RAB37: variants seen among roughly 807,000 people sequenced by gnomAD.
The protein encoded by RAB37 is ras-related protein Rab-37.
RAB37 carries 29 observed loss-of-function variants against 33.1 expected under a neutral mutation model. The observed-to-expected ratio is 0.88, with a 90% CI of 0.65 to 1.20. RAB37 has a LOEUF of 1.20. RAB37 is among the 50% of genes most tolerant of loss of function. The pLI is 0.00. For synonymous variants in RAB37, 128 were observed against 119.5 expected (o/e 1.07, Z -0.47); for missense variants, 299 against 301.1 (o/e 0.99, Z 0.05).
At chr17:74,726,737 T>C (rs1388220050) in intron 1 of RAB37, among the ~76,000 whole-genome samples, 1 of 152,202 alleles carries the variant, frequency 6.6e-6, no homozygotes, top group Non-Finnish European at 1.5e-5. Context: ...TTCCCTTCCA[T>C]GTCACTGCCA....
chr17:74,738,638 G>T lies in RAB37; in HGVS notation c.93+1273G>T, dbSNP rs1030262037. Among the ~76,000 whole-genome samples, 3 of 152,142 alleles carry T rather than the reference G, an allele frequency of 2.0e-5. No homozygotes were observed. The highest frequency in any genetic ancestry group is 4.4e-5 in the Non-Finnish European group (3 of 68,010). ...CCCTCCCTCCCTCCTTCCTGCTCCA[G>T]GGCTGGGACCCAGGAGCCAGGGAGG... On this transcript the variant is annotated intron_variant, in intron 1 of 8. Transcript: ENST00000392613. This position sits in a 1 kb window ranked among gnomAD's most constrained non-coding sequence, Gnocchi z 5.0.
At position 74,676,256 on chromosome 17, in the gene RAB37, G is replaced by A. The variant is rs1047007275; in HGVS notation, c.72+4598G>A. On this transcript the variant is annotated intron_variant, in intron 1 of 7. Coordinates refer to the RAB37 transcript ENST00000340415. The surrounding 1 kb of genome is among the most constrained non-coding windows in gnomAD (Gnocchi z 4.1). ...TACTTCCTAATTCCCTATCACCAGG[G>A]CTCTAAGGAACATCCACATACCAGA... 6.6e-6 allele frequency among the ~76,000 whole-genome samples: 1 copy of A among 152,084 alleles called. No homozygotes were observed. Among genetic ancestry groups the A allele is most frequent in the Non-Finnish European group, 1.5e-5 (1 of 68,018 alleles).
At chr17:74,696,487 G>A (rs2032489918) in intron 1 of RAB37, among the ~76,000 whole-genome samples, 1 of 152,148 alleles carries the variant, frequency 6.6e-6, no homozygotes, top group Non-Finnish European at 1.5e-5. Context: ...CAGCTGATCG[G>A]GTGGCCCTGC....
intron 1 of RAB37, among the ~76,000 whole-genome samples, chr17:74,708,936 A>G (rs549102001): frequency 6.6e-6 from 1 of 151,386 alleles, no homozygotes; most frequent in African/African-American, 2.4e-5. Flanking sequence ...AGGAAAATCA[A>G]TAAGGAGGCC....
At position 74,671,140 on chromosome 17, in the gene RAB37, C is replaced by G. The variant is rs2031694625; in HGVS notation, c.-447C>G. On this transcript the variant is annotated 5_prime_UTR_variant, in exon 1 of 8. Transcript: ENST00000340415. This position sits in a 1 kb window ranked among gnomAD's most constrained non-coding sequence, Gnocchi z 5.0. ...TGAGCTGCGTGGTGACGGAGATGCC[C>G]GTTCGCTCGGGATCAGGAACGGTGA... 3 of 176,666 alleles carry G rather than the reference C, an allele frequency of 1.7e-5. No homozygotes were observed. Among genetic ancestry groups the G allele is most frequent in the Non-Finnish European group, 3.7e-5 (3 of 81,934 alleles). The allele number at this position is 176,666 out of a possible 1,614,324, so 10.9% of individuals were successfully genotyped here. A position where few individuals can be genotyped will look rare whatever the true frequency, so the allele number is the denominator to read the frequency against.
At chr17:74,712,937 C>CT (rs2034076904) in intron 1 of RAB37, 1 of 1,479,840 alleles carries the variant, frequency 6.8e-7, no homozygotes, top group South Asian at 1.2e-5. Context: ...GACTCCCAGC[C>CT]TTCTGCTGGT....
rs1259652260 is a variant in RAB37, at chr17:74,745,425, G to A, written c.*14G>A. ...TCCTTCATGTGAATCCCAGGGGGCAGAGAGGAGGCTCTGGAGGCACACAGG... is the reference window on the plus strand; with the variant it reads ...TCCTTCATGTGAATCCCAGGGGGCAAAGAGGAGGCTCTGGAGGCACACAGG... On this transcript the variant is annotated 3_prime_UTR_variant, in exon 9 of 9. Coordinates refer to ENST00000392613, the MANE Select transcript of RAB37 (RefSeq NM_001006638.3). This position sits in a 1 kb window ranked among gnomAD's most constrained non-coding sequence, Gnocchi z 4.5. The A allele has an allele frequency of 1.2e-6, 2 of 1,603,398 alleles. No individual in the cohort carries two copies. Among genetic ancestry groups the A allele is most frequent in the South Asian group, 2.2e-5 (2 of 90,824 alleles).
chr17:74,679,881 G>A (rs35164125), intron 1 of RAB37, among the ~76,000 whole-genome samples: 32 of 151,584 alleles, frequency 2.1e-4, no homozygotes, highest in African/African-American at 7.5e-4. Flanking sequence ...AGGAGGCTGA[G>A]GCAGGAGAAT....
rs2034641491 is a variant in RAB37 at position 74,742,426 on chromosome 17, G to A, written c.246+131G>A. On this transcript the variant is annotated intron_variant, in intron 3 of 8. Coordinates refer to ENST00000392613, the MANE Select transcript of RAB37 (RefSeq NM_001006638.3). This position sits in a 1 kb window ranked among gnomAD's most constrained non-coding sequence, Gnocchi z 4.0. ...TCCTGTGGGGCCCACGGGAGGAAAT[G>A]GCTTTTGTTTATTTGACATCTGCAG... is the stretch of plus-strand genomic sequence containing the variant. The A allele has an allele frequency of 1.5e-6, 1 of 683,980 alleles. No homozygotes were observed. The highest frequency in any genetic ancestry group is 3.0e-5 in the Admixed American group (1 of 33,794). 42.4% of individuals were successfully genotyped at this position (683,980 alleles called of 1,614,324 possible).
intron 1 of RAB37, among the ~76,000 whole-genome samples, chr17:74,674,433 T>A (rs931557458): frequency 6.6e-6 from 1 of 150,932 alleles, no homozygotes; most frequent in East Asian, 2.0e-4. Context: ...CAAACACCAC[T>A]TTGGGAAGCT....
chr17:74,696,575 C>A (rs1303593917), intron 1 of RAB37, among the ~76,000 whole-genome samples: 3 of 152,224 alleles, frequency 2.0e-5, no homozygotes, highest in South Asian at 4.1e-4. Flanking sequence ...TGTCTCTCTA[C>A]CTGATTCATC....
chr17:74,684,471 A>G (rs1397276932), intron 1 of RAB37, among the ~76,000 whole-genome samples: 1 of 151,848 alleles, frequency 6.6e-6, no homozygotes, highest in Non-Finnish European at 1.5e-5. Context: ...CTGTGATGCC[A>G]GTGTTTCAAA....
chr17:74,678,815 T>G (rs1456651988), intron 1 of RAB37, among the ~76,000 whole-genome samples: 1 of 152,150 alleles, frequency 6.6e-6, no homozygotes. Flanking sequence ...TATGAGCCTT[T>G]TAAAAGCAAA....
intron 1 of RAB37, among the ~76,000 whole-genome samples, chr17:74,740,422 G>A (rs1451263809): frequency 6.6e-6 from 1 of 152,192 alleles, no homozygotes; most frequent in African/African-American, 2.4e-5. Flanking sequence ...TGCATGGTGT[G>A]GCTATGGGCA....
At chr17:74,722,382 G>T (rs528848119) in intron 1 of RAB37, among the ~76,000 whole-genome samples, 1 of 152,186 alleles carries the variant, frequency 6.6e-6, no homozygotes. Context: ...CAGCCCAAAG[G>T]CTGTAAATTT....
rs202142683 is a variant in RAB37, at chr17:74,728,011, G to GTA, written c.73-1235_73-1234dup. Among the ~76,000 whole-genome samples, 951 of 151,864 alleles carry GTA rather than the reference G, an allele frequency of 6.3e-3. 7 individuals carry two copies. Among genetic ancestry groups the GTA allele is most frequent in the African/African-American group, 0.014 (573 of 41,372 alleles). ...TCTGTGTGAATGTGCATATGTATGTGTATATATATATGTGTTTGTGTTATA... is the reference window on the plus strand; with the variant it reads ...TCTGTGTGAATGTGCATATGTATGTGTATATATATATATGTGTTTGTGTTATA... On this transcript the variant is annotated intron_variant, in intron 1 of 7. Transcript: ENST00000340415.
At chr17:74,725,962 C>T (rs543664031) in intron 1 of RAB37, among the ~76,000 whole-genome samples, 1 of 150,768 alleles carries the variant, frequency 6.6e-6, no homozygotes, top group South Asian at 2.2e-4. Flanking sequence ...CCTAGCAGGG[C>T]ATTGTGGCTT....
intron 1 of RAB37, among the ~76,000 whole-genome samples, chr17:74,693,157 C>T (rs984771288): frequency 1.3e-5 from 2 of 152,220 alleles, no homozygotes; most frequent in East Asian, 3.8e-4. Context: ...TAAGAGGTAA[C>T]ATTTAAGCTG....
At chr17:74,697,942 G>C (rs936950912) in intron 1 of RAB37, among the ~76,000 whole-genome samples, 1 of 152,176 alleles carries the variant, frequency 6.6e-6, no homozygotes, top group African/African-American at 2.4e-5. Context: ...ATGTGTGTGT[G>C]CATCCACTGG....
Sources: gnomAD v4.1 joint callset for allele counts (sites outside exome capture counted in the v4.1 genomes callset) on GRCh38, gnomAD v4.1.1 for gene constraint, Gnocchi (gnomAD v3.1) non-coding constraint, MANE v1.5 for transcripts, NCBI Gene and HGNC (gene_info 2026-07-23, HGNC 2026-07-21) for gene names.